TRDN: variants seen among roughly 807,000 people sequenced by gnomAD.
TRDN encodes the protein triadin in skeletal muscle.
A neutral mutation model predicts 149.7 loss-of-function variants in TRDN; 161 were observed. That is an observed-to-expected ratio of 1.08 (90% CI 0.95 to 1.23). TRDN has a LOEUF of 1.23. Among genes scored for constraint, TRDN ranks in the 50% most tolerant of loss-of-function variants. TRDN has a pLI of 0.00. For missense variants in TRDN, 896 were observed against 823.5 expected, an observed-to-expected ratio of 1.09 and a Z score of -1.08; for synonymous variants, 294 against 250.5, an observed-to-expected ratio of 1.17 and a Z score of -1.64.
At chr6:123,634,795 A>G (rs778286909) in intron 1 of TRDN, among the ~76,000 whole-genome samples, 7 of 151,980 alleles carry the variant, frequency 4.6e-5, no homozygotes, top group Non-Finnish European at 8.8e-5. Context: ...TTCAGATAAC[A>G]TAGATCCTAT....
At chr6:123,523,638 T>C (rs1779796011) in intron 5 of TRDN, among the ~76,000 whole-genome samples, 1 of 152,058 alleles carries the variant, frequency 6.6e-6, no homozygotes, top group Non-Finnish European at 1.5e-5. Context: ...AGATAGCAGT[T>C]GGAGAAGAGA....
intron 9 of TRDN, among the ~76,000 whole-genome samples, chr6:123,466,914 G>C (rs1047077981): frequency 1.3e-5 from 2 of 151,836 alleles, no homozygotes; most frequent in African/African-American, 4.8e-5. Flanking sequence ...TATAATTATA[G>C]TCTTTTATAG....
In TRDN at chr6:123,271,263, T is replaced by C; in HGVS notation, c.1673-77A>G. 3 of 1,091,364 alleles carry C rather than the reference T, an allele frequency of 2.7e-6. No individual in the cohort carries two copies. The South Asian group carries it at 5.1e-5, about 19-fold the overall frequency. 67.6% of individuals were successfully genotyped at this position (1,091,364 alleles called of 1,614,324 possible). On this transcript the variant is annotated intron_variant, in intron 29 of 40. Transcript: ENST00000334268. ...ACATATTTCAACCATGATTTTTGTA[T>C]TCTTTTGAAATAGTGCCAATGCCAA...
intron 4 of TRDN, among the ~76,000 whole-genome samples, chr6:123,531,332 G>A (rs1410937027): frequency 6.6e-6 from 1 of 151,918 alleles, no homozygotes; most frequent in African/African-American, 2.4e-5. Flanking sequence ...ATGCTAATGA[G>A]GTTTACTTAT....
intron 1 of TRDN, among the ~76,000 whole-genome samples, chr6:123,619,966 T>A (rs932302799): frequency 6.6e-6 from 1 of 152,112 alleles, no homozygotes; most frequent in Non-Finnish European, 1.5e-5. Context: ...ACACTTTTGC[T>A]CTCTTCCAGG....
intron 24 of TRDN, among the ~76,000 whole-genome samples, chr6:123,280,221 C>T (rs912936202): frequency 6.6e-6 from 1 of 151,996 alleles, no homozygotes; most frequent in Admixed American, 6.6e-5. Context: ...GAAGGGAGTT[C>T]TGGAGATGTG....
At chr6:123,302,891 G>C (rs1778479349) in intron 24 of TRDN, among the ~76,000 whole-genome samples, 1 of 151,850 alleles carries the variant, frequency 6.6e-6, no homozygotes, top group Non-Finnish European at 1.5e-5. Flanking sequence ...TTGTTCTTTG[G>C]ACCACACTTT....
chr6:123,618,746 A>T (rs935215107), intron 1 of TRDN, among the ~76,000 whole-genome samples: 1 of 152,172 alleles, frequency 6.6e-6, no homozygotes, highest in African/African-American at 2.4e-5. Context: ...ATTCTAATTT[A>T]AAAAATGCCC....
At chr6:123,400,272 TA>T (rs1480688591) in intron 12 of TRDN, among the ~76,000 whole-genome samples, 1 of 151,318 alleles carries the variant, frequency 6.6e-6, no homozygotes, top group Admixed American at 6.6e-5. Flanking sequence ...ATTTCAATTT[TA>T]AAAATTAAAT....
At chr6:123,219,187 A>T (rs1409102839) in intron 40 of TRDN, among the ~76,000 whole-genome samples, 2 of 151,866 alleles carry the variant, frequency 1.3e-5, no homozygotes, top group Non-Finnish European at 2.9e-5. Flanking sequence ...TGGTGCCAAC[A>T]TCTAGAAGTT....
chr6:123,515,213 TC>T lies in TRDN; in HGVS notation c.550+927del, dbSNP rs1428465186. On this transcript the variant is annotated intron_variant, in intron 6 of 40. Coordinates refer to ENST00000334268, the MANE Select transcript of TRDN (RefSeq NM_006073.4). ...TTCAAAATAATAATCTTAAGGAAAC[TC>T]AGAGAGAAAAAAAGAGAACACAAAT... Among the ~76,000 whole-genome samples the T allele has an allele frequency of 7.3e-5, 11 of 149,972 alleles. No individual in the cohort carries two copies. In the East Asian group the frequency reaches 2.2e-3, roughly 30 times the overall value.
intron 1 of TRDN, among the ~76,000 whole-genome samples, chr6:123,596,755 A>G (rs1222345983): frequency 1.3e-5 from 2 of 152,070 alleles, no homozygotes; most frequent in East Asian, 1.9e-4. Flanking sequence ...CAGTGGAATG[A>G]CAAATCCTGC....
At chr6:123,305,348 A>G (rs1313948751) in intron 24 of TRDN, among the ~76,000 whole-genome samples, 1 of 152,136 alleles carries the variant, frequency 6.6e-6, no homozygotes, top group East Asian at 1.9e-4. Context: ...AAGCTATAAT[A>G]CACCTGTTAT....
At chr6:123,437,983 GTGTATGTTGCA>G in intron 12 of TRDN, 69 bp downstream of exon 12, 2 of 1,214,698 alleles carry the variant, frequency 1.6e-6, no homozygotes, top group Non-Finnish European at 2.4e-6. Context: ...TGTGCAATTT[GTGTATGTTGCA>G]TGAGGAGTCT....
intron 10 of TRDN, among the ~76,000 whole-genome samples, chr6:123,450,225 C>T (rs1775686211): frequency 6.6e-6 from 1 of 152,080 alleles, no homozygotes; most frequent in South Asian, 2.1e-4. Flanking sequence ...TGCAATGGTG[C>T]CTCCCATTTC....
In TRDN at chr6:123,269,865, G is replaced by A; in HGVS notation, c.1722C>T (p.Ala574=). Residue 574 remains alanine (A), a splice_region_variant and synonymous_variant, in exon 31 of 41, where the codon GCC becomes GCT. Transcript: ENST00000334268. The part of the protein sequence containing the change: ...QVKAVTIEKT[A]KPKPTKKAEH... ...ATCTCTTACTTGTTGGTTTGGGCTT[G>A]GCTGTGGAGAATGGAGGCAAGCACA... is the stretch of plus-strand genomic sequence containing the variant. 1.2e-6 allele frequency: 2 copies of A among 1,610,446 alleles called. No individual in the cohort carries two copies. The highest frequency in any genetic ancestry group is 1.7e-6 in the Non-Finnish European group (2 of 1,177,998).
intron 12 of TRDN, chr6:123,437,344 T>A: frequency 3.1e-6 from 1 of 326,510 alleles, no homozygotes; most frequent in African/African-American, 2.2e-5. Context: ...GGAAAACTTG[T>A]CACTGTAAAT....
chr6:123,622,272 A>G (rs1785424539), intron 1 of TRDN, among the ~76,000 whole-genome samples: 1 of 151,774 alleles, frequency 6.6e-6, no homozygotes, highest in African/African-American at 2.4e-5. Context: ...TCCTTTCCCT[A>G]GCTTACTTCA....
chr6:123,261,009 A>G (rs953085265), intron 33 of TRDN, among the ~76,000 whole-genome samples: 18 of 151,916 alleles, frequency 1.2e-4, no homozygotes, highest in Middle Eastern at 3.4e-3. Context: ...AATTTTTATA[A>G]CACAAAAAAT....
Sources: allele counts gnomAD v4.1 joint callset (sites outside exome capture counted in the v4.1 genomes callset), GRCh38; gene constraint gnomAD v4.1.1; transcripts MANE v1.5; gene names NCBI Gene and HGNC (gene_info 2026-07-23, HGNC 2026-07-21).